The following CLEC16A variants were observed in gnomAD, a reference collection of about 807,000 sequenced individuals.
The protein encoded by CLEC16A is C-type lectin domain containing 16A.
Under a neutral mutation model 109.5 loss-of-function variants are expected in CLEC16A, and 51 were observed. That is an observed-to-expected ratio of 0.47 (90% CI 0.37 to 0.59). CLEC16A has a LOEUF of 0.59. Among genes scored for constraint, CLEC16A ranks in the 20% least tolerant of loss-of-function variants. The probability of loss-of-function intolerance (pLI) is 0.00; values close to 1 mark genes in which losing one functional copy is unlikely to be tolerated. For synonymous variants in CLEC16A, 673 were observed against 564.2 expected (o/e 1.19, Z -2.73); for missense variants, 1,339 against 1,394.0 (o/e 0.96, Z 0.63).
chr16:11,083,273 C>T (rs2049834519), intron 19 of CLEC16A, among the ~76,000 whole-genome samples: 1 of 152,202 alleles, frequency 6.6e-6, no homozygotes, highest in Non-Finnish European at 1.5e-5. Flanking sequence ...AGCAATCCTC[C>T]CACCTCAGCT....
chr16:11,109,035 C>T (rs900267629), intron 19 of CLEC16A, among the ~76,000 whole-genome samples: 16 of 145,152 alleles, frequency 1.1e-4, no homozygotes, highest in South Asian at 2.3e-4. Flanking sequence ...GGCATGAACC[C>T]GGGAGGCGGA....
intron 19 of CLEC16A, among the ~76,000 whole-genome samples, chr16:11,075,783 G>A (rs964638119): frequency 6.6e-6 from 1 of 151,988 alleles, no homozygotes; most frequent in Admixed American, 6.6e-5. Flanking sequence ...TTGGGAGGAT[G>A]AGATGTCAGG....
At chr16:11,044,157 T>G (rs2047505317) in intron 16 of CLEC16A, 85 bp downstream of exon 16, 1 of 1,168,418 alleles carries the variant, frequency 8.6e-7, no homozygotes, top group South Asian at 1.8e-5. Context: ...CAGATAAACG[T>G]TATATGTCTT....
chr16:11,142,960 G>GC (rs2053905718), intron 22 of CLEC16A, among the ~76,000 whole-genome samples: 1 of 152,178 alleles, frequency 6.6e-6, no homozygotes, highest in African/African-American at 2.4e-5. Flanking sequence ...ACAGGCGCCT[G>GC]CCACCACGCC....
At chr16:10,967,967 A>G (rs1344991976) in intron 3 of CLEC16A, among the ~76,000 whole-genome samples, 1 of 152,254 alleles carries the variant, frequency 6.6e-6, no homozygotes, top group South Asian at 2.1e-4. Context: ...CCAAGATCCT[A>G]CAGGTCTGAC....
chr16:10,958,673 G>T (rs1368124815), intron 2 of CLEC16A, among the ~76,000 whole-genome samples: 1 of 152,192 alleles, frequency 6.6e-6, no homozygotes, highest in Non-Finnish European at 1.5e-5. Context: ...GGAGGCTGAG[G>T]CAGGAGGATC....
rs2042254664 is a variant in CLEC16A at position 10,961,686 on chromosome 16, G to C, written c.210-769G>C. Among the ~76,000 whole-genome samples the C allele has an allele frequency of 6.6e-6, 1 of 152,196 alleles. No homozygotes were observed. Among genetic ancestry groups the C allele is most frequent in the African/African-American group, 2.4e-5 (1 of 41,446 alleles). ...TTAGTAGGGTTTCTCCACCACATCA[G>C]TACCTGTGTATTTCTTTCTAGTTAT... On this transcript the variant is annotated intron_variant, in intron 2 of 23. Transcript: ENST00000409790. The surrounding 1 kb of genome is among the most constrained non-coding windows in gnomAD (Gnocchi z 4.3).
At chr16:11,044,527 A>G (rs112529779) in intron 16 of CLEC16A, among the ~76,000 whole-genome samples, 99 of 152,354 alleles carry the variant, frequency 6.5e-4, no homozygotes, top group African/African-American at 2.2e-3. Context: ...CCTTATACAG[A>G]CTTCTAAACC....
In CLEC16A at chr16:11,051,600, G is replaced by T. The variant is rs200827060; in HGVS notation, c.1954G>T (p.Val652Leu). Residue 652 changes from valine to leucine, a missense_variant, in exon 18 of 24, where the codon GTG (valine) becomes TTG (leucine). Val to Leu is a conservative substitution (Grantham distance 32). Transcript: ENST00000409790. Reference protein sequence around the residue: ...TGTPLTGIDFVKRLPCGDVEK... With the variant: ...TGTPLTGIDFLKRLPCGDVEK... ...CACGCCACTGACGGGCATTGACTTC[G>T]TGAAGCGGCTGCCGTGTGGCGATGT... 1 of 1,614,014 alleles carries T rather than the reference G, an allele frequency of 6.2e-7. No individual in the cohort carries two copies. Among genetic ancestry groups the T allele is most frequent in the Non-Finnish European group, 8.5e-7 (1 of 1,179,882 alleles).
At chr16:10,986,734 T>TGTGTGTGC (rs2043687119) in intron 10 of CLEC16A, among the ~76,000 whole-genome samples, 1 of 99,748 alleles carries the variant, frequency 1.0e-5, no homozygotes, top group African/African-American at 4.4e-5. Flanking sequence ...AGGCTCAATG[T>TGTGTGTGC]GTGTGTGTGT....
intron 22 of CLEC16A, among the ~76,000 whole-genome samples, chr16:11,129,096 A>T (rs867303638): frequency 1.4e-4 from 22 of 152,034 alleles, no homozygotes; most frequent in African/African-American, 4.6e-4. Flanking sequence ...CCCCAACCCC[A>T]GCCTTGCCAG....
At position 11,007,248 on chromosome 16, in the gene CLEC16A, C is replaced by A. The variant is rs147604036; in HGVS notation, c.1303+3943C>A. The stretch of plus-strand genomic sequence containing the variant: ...AAGGGCATGAAGTAAAGATGATAGG[C>A]CTTTGAACCTGCCAGGTTAGCTGGG... On this transcript the variant is annotated intron_variant, in intron 11 of 23. Transcript: ENST00000409790. 5.7e-4 allele frequency among the ~76,000 whole-genome samples: 87 copies of A among 152,232 alleles called. No homozygotes were observed. The East Asian group carries it at 0.013, about 22-fold the overall frequency.
chr16:11,087,562 TG>T (rs1292427302), intron 19 of CLEC16A, among the ~76,000 whole-genome samples: 41 of 152,408 alleles, frequency 2.7e-4, no homozygotes, highest in African/African-American at 7.2e-4. Flanking sequence ...GGTTAAGCCC[TG>T]TGTTTGAGTA....
rs184470067 is a variant in CLEC16A at position 11,138,742 on chromosome 16, T to C, written c.2641+12596T>C. On this transcript the variant is annotated intron_variant, in intron 22 of 23. Coordinates refer to ENST00000409790, the MANE Select transcript of CLEC16A (RefSeq NM_015226.3). Reference sequence around the variant, plus strand: ...TTTCACTCAACAGCGTATCCTGGAGTGTTTTTCATTTTAGTTCGCAGGCGC... The same window carrying C: ...TTTCACTCAACAGCGTATCCTGGAGCGTTTTTCATTTTAGTTCGCAGGCGC... 2.6e-5 allele frequency among the ~76,000 whole-genome samples: 4 copies of C among 152,270 alleles called. No individual in the cohort carries two copies. The East Asian group carries it at 5.8e-4, about 22-fold the overall frequency.
chr16:11,042,188 C>A, intron 14 of CLEC16A, 66 bp from the exon 15 acceptor site: 6 of 1,192,780 alleles, frequency 5.0e-6, no homozygotes, highest in Non-Finnish European at 7.3e-6. Context: ...CGTGGATAGG[C>A]AGCAGTCTTG....
At chr16:10,945,114 C>T (rs1040114170) in intron 1 of CLEC16A, among the ~76,000 whole-genome samples, 3 of 152,172 alleles carry the variant, frequency 2.0e-5, no homozygotes, top group South Asian at 2.1e-4. Context: ...AGTTTCCTGG[C>T]GGGGTACTTC....
intron 22 of CLEC16A, among the ~76,000 whole-genome samples, chr16:11,158,391 TA>T (rs2054608373): frequency 6.6e-6 from 1 of 152,210 alleles, no homozygotes; most frequent in Non-Finnish European, 1.5e-5. Flanking sequence ...GGTTTTATAT[TA>T]TGCTTTGCAA....
intron 11 of CLEC16A, among the ~76,000 whole-genome samples, chr16:11,015,161 G>T (rs972211189): frequency 6.6e-6 from 1 of 152,174 alleles, no homozygotes; most frequent in East Asian, 1.9e-4. Context: ...GATCTGATCC[G>T]CATTCATCTA....
At chr16:11,009,496 G>C (rs1001839804) in intron 11 of CLEC16A, among the ~76,000 whole-genome samples, 1 of 152,202 alleles carries the variant, frequency 6.6e-6, no homozygotes, top group Admixed American at 6.5e-5. Context: ...AAATGAGTTG[G>C]AGATTTGAGT....
Sources: gnomAD v4.1 joint callset for allele counts (sites outside exome capture counted in the v4.1 genomes callset) on GRCh38, gnomAD v4.1.1 for gene constraint, Gnocchi (gnomAD v3.1) non-coding constraint, MANE v1.5 for transcripts, NCBI Gene and HGNC (gene_info 2026-07-23, HGNC 2026-07-21) for gene names.